The following SORBS2 variants were observed in gnomAD, a reference collection of about 807,000 sequenced individuals.
SORBS2 encodes the protein sorbin and SH3 domain containing 2.
Under a neutral mutation model 97.7 loss-of-function variants are expected in SORBS2, and 46 were observed. The observed-to-expected ratio is 0.47, with a 90% CI of 0.37 to 0.60. The LOEUF (loss-of-function observed/expected upper bound fraction) is 0.60. Among genes scored for constraint, SORBS2 ranks in the 20% least tolerant of loss-of-function variants. The pLI is 0.00. For missense variants in SORBS2, 1,316 were observed against 1,282.3 expected, an observed-to-expected ratio of 1.03 and a Z score of -0.40; for synonymous variants, 476 against 473.4, an observed-to-expected ratio of 1.01 and a Z score of -0.07.
chr4:185,827,766 C>G (rs2099202314), intron 1 of SORBS2, among the ~76,000 whole-genome samples: 1 of 148,576 alleles, frequency 6.7e-6, no homozygotes, highest in Non-Finnish European at 1.5e-5. Flanking sequence ...TCACCATCAT[C>G]ATCACCATCA....
rs529514885 is a variant in SORBS2, at chr4:185,734,516, T to A, written c.-198+40711A>T. Among the ~76,000 whole-genome samples the A allele has an allele frequency of 2.1e-4, 32 of 152,248 alleles. 2 individuals carry two copies. Among genetic ancestry groups the A allele is most frequent in the African/African-American group, 7.7e-4 (32 of 41,552 alleles). On this transcript the variant is annotated intron_variant, in intron 2 of 20. Coordinates refer to the SORBS2 transcript ENST00000284776. Reference sequence around the variant, plus strand: ...CAGTTCCTCTTTCCTTGCCCCCTATTTCATACAAAATTCCTCTGACAAAGC... The same window carrying A: ...CAGTTCCTCTTTCCTTGCCCCCTATATCATACAAAATTCCTCTGACAAAGC...
At chr4:185,627,368 C>T (rs2153428516) in intron 5 of SORBS2, among the ~76,000 whole-genome samples, 1 of 152,236 alleles carries the variant, frequency 6.6e-6, no homozygotes, top group Non-Finnish European at 1.5e-5. Context: ...TGCCACCTCA[C>T]CTGGCTAATT....
chr4:185,729,112 A>G (rs893298042), intron 2 of SORBS2, among the ~76,000 whole-genome samples: 1 of 152,220 alleles, frequency 6.6e-6, no homozygotes, highest in African/African-American at 2.4e-5. Flanking sequence ...GCGGTTGTTC[A>G]TCTTCCTACA....
Position 185,630,610 on chromosome 4 carries a change from G to T in SORBS2, c.397-12C>A. ...TGATACAAGGAGGCCTGTTAAGATA[G>T]GATAATAGTACCATGAAAAATTTTA... On this transcript the variant is annotated splice_polypyrimidine_tract_variant and intron_variant, in intron 4 of 14. Transcript: ENST00000418609. 6.4e-7 allele frequency: 1 copy of T among 1,571,398 alleles called. No individual in the cohort carries two copies. The highest frequency in any genetic ancestry group is 1.2e-5 in the South Asian group (1 of 85,244).
intron 1 of SORBS2, among the ~76,000 whole-genome samples, chr4:185,796,869 C>T (rs1269145993): frequency 1.4e-5 from 1 of 73,614 alleles, no homozygotes; most frequent in Non-Finnish European, 2.8e-5. Flanking sequence ...TCTGTGGCCA[C>T]GCTGTTCCCT....
At chr4:185,782,792 T>C (rs1049422605) in intron 1 of SORBS2, among the ~76,000 whole-genome samples, 15 of 152,238 alleles carry the variant, frequency 9.9e-5, no homozygotes, top group Admixed American at 6.5e-5. Context: ...GAGAGTTTTG[T>C]GTGTCATACA....
At position 185,919,753 on chromosome 4, in the gene SORBS2, G is replaced by A. The variant is rs148426970; in HGVS notation, c.-338+36443C>T. Among the ~76,000 whole-genome samples the A allele has an allele frequency of 3.7e-4, 57 of 152,296 alleles. 1 individual carries two copies. The East Asian group carries it at 9.2e-3, about 25-fold the overall frequency. The stretch of plus-strand genomic sequence containing the variant: ...AGCTGATACAATGGTTTGCTTCACC[G>A]TTTATCAGTAATCTCTTATCTTCTC... On this transcript the variant is annotated intron_variant, in intron 1 of 20. Transcript: ENST00000284776.
At chr4:185,875,523 A>G (rs1304153574) in intron 1 of SORBS2, among the ~76,000 whole-genome samples, 4 of 152,250 alleles carry the variant, frequency 2.6e-5, no homozygotes, top group South Asian at 2.1e-4. Flanking sequence ...TGAAGCATAT[A>G]GTTGTAGAGA....
At chr4:185,883,831 G>C (rs1026971875) in intron 1 of SORBS2, among the ~76,000 whole-genome samples, 3 of 152,174 alleles carry the variant, frequency 2.0e-5, no homozygotes, top group Admixed American at 6.5e-5. Context: ...CTGGATGACA[G>C]AGCAAGACCG....
intron 9 of SORBS2, among the ~76,000 whole-genome samples, chr4:185,615,958 T>A (rs1291824312): frequency 1.3e-5 from 2 of 152,256 alleles, no homozygotes; most frequent in African/African-American, 2.4e-5. Flanking sequence ...AATTCACACC[T>A]AAACTTATCA....
chr4:185,656,835 TATC>T (rs771376589), exon 1 of SORBS2: 41 of 1,377,198 alleles, frequency 3.0e-5, no homozygotes, highest in Non-Finnish European at 3.6e-5. Context: ...CACTTTCACT[TATC>T]ATCCCAGGAG....
intron 2 of SORBS2, among the ~76,000 whole-genome samples, chr4:185,732,718 G>A (rs1370750932): frequency 2.6e-5 from 4 of 152,162 alleles, no homozygotes; most frequent in Admixed American, 6.5e-5. Flanking sequence ...TAGCTATTGC[G>A]GGCAAGTGGT....
intron 1 of SORBS2, among the ~76,000 whole-genome samples, chr4:185,865,199 T>A (rs1369484230): frequency 2.0e-5 from 3 of 152,178 alleles, no homozygotes; most frequent in Non-Finnish European, 4.4e-5. Context: ...AGAGAATAGT[T>A]CACATAAGTT....
chr4:185,775,387 G>A (rs1480354780), intron 1 of SORBS2, 21 bp from the exon 2 acceptor site: 1 of 152,628 alleles, frequency 6.6e-6, no homozygotes, highest in Non-Finnish European at 1.5e-5. Flanking sequence ...AAAAGCAAGA[G>A]AGAGGCAAAT....
At chr4:185,655,487 G>T (rs980036595) in intron 1 of SORBS2, among the ~76,000 whole-genome samples, 1 of 152,202 alleles carries the variant, frequency 6.6e-6, no homozygotes, top group South Asian at 2.1e-4. Context: ...GTCAGTGTAA[G>T]AGGAGAGTCC....
At chr4:185,860,643 C>T (rs2099223199) in intron 1 of SORBS2, among the ~76,000 whole-genome samples, 1 of 152,130 alleles carries the variant, frequency 6.6e-6, no homozygotes, top group Admixed American at 6.5e-5. Flanking sequence ...TGGGCTACAG[C>T]TTGGTTTTAT....
intron 1 of SORBS2, among the ~76,000 whole-genome samples, chr4:185,936,128 A>C (rs2099268846): frequency 6.6e-6 from 1 of 152,206 alleles, no homozygotes; most frequent in South Asian, 2.1e-4. Flanking sequence ...CAAACTACTG[A>C]GATGACAGGC....
chr4:185,601,817 T>C (rs1255554030), intron 12 of SORBS2, among the ~76,000 whole-genome samples: 1 of 151,982 alleles, frequency 6.6e-6, no homozygotes, highest in African/African-American at 2.4e-5. Context: ...GGGGATCCCC[T>C]TCTGATGGGA....
At chr4:185,676,915 A>AT in intron 4 of SORBS2, 1 of 1,133,738 alleles carries the variant, frequency 8.8e-7, no homozygotes, top group South Asian at 1.5e-5. Flanking sequence ...GCATTAGGTC[A>AT]TATAAGAAGC....
Sources: gnomAD v4.1 joint callset for allele counts (sites outside exome capture counted in the v4.1 genomes callset) on GRCh38, gnomAD v4.1.1 for gene constraint, MANE v1.5 for transcripts, NCBI Gene and HGNC (gene_info 2026-07-23, HGNC 2026-07-21) for gene names.